POU6F2: variants seen among roughly 807,000 people sequenced by gnomAD.
The protein encoded by POU6F2 is POU domain, class 6, transcription factor 2.
In POU6F2, 31 loss-of-function variants were observed where a neutral mutation model predicts 71.3. The observed-to-expected ratio is 0.43, with a 90% CI of 0.33 to 0.59. The LOEUF is 0.59. Among genes scored for constraint, POU6F2 ranks in the 20% least tolerant of loss-of-function variants. POU6F2 has a pLI of 0.04. For synonymous variants in POU6F2, 347 were observed against 355.7 expected (o/e 0.98, Z 0.27); for missense variants, 783 against 856.8 (o/e 0.91, Z 1.07).
intron 6 of POU6F2, among the ~76,000 whole-genome samples, chr7:39,423,746 C>T (rs1260049873): frequency 1.3e-5 from 2 of 152,212 alleles, no homozygotes; most frequent in East Asian, 1.9e-4. Context: ...ATGGCAAGTT[C>T]TCTGTCCATT....
At chr7:39,016,710 A>T (rs1244235218) in intron 1 of POU6F2, among the ~76,000 whole-genome samples, 3 of 152,196 alleles carry the variant, frequency 2.0e-5, no homozygotes, top group Non-Finnish European at 4.4e-5. Flanking sequence ...GGAAATCATC[A>T]GTGAGTATAT....
At chr7:39,246,659 A>G (rs555668849) in intron 4 of POU6F2, among the ~76,000 whole-genome samples, 4 of 152,308 alleles carry the variant, frequency 2.6e-5, no homozygotes, top group African/African-American at 9.6e-5. Context: ...AATTCCTCTC[A>G]ATGGTTTAAT....
At chr7:39,021,631 C>T (rs1789682163) in intron 1 of POU6F2, among the ~76,000 whole-genome samples, 1 of 151,632 alleles carries the variant, frequency 6.6e-6, no homozygotes, top group African/African-American at 2.4e-5. Context: ...CTATTTTTTT[C>T]CCAAAATGTT....
intron 4 of POU6F2, among the ~76,000 whole-genome samples, chr7:39,310,179 C>T (rs560675184): frequency 2.4e-3 from 366 of 151,998 alleles, no homozygotes; most frequent in African/African-American, 8.2e-3. Flanking sequence ...TTACAATGAG[C>T]GGAAAAAGAG....
intron 5 of POU6F2, among the ~76,000 whole-genome samples, chr7:39,398,790 A>G (rs1005938479): frequency 6.6e-6 from 1 of 152,248 alleles, no homozygotes; most frequent in African/African-American, 2.4e-5. Context: ...AAGGAATACA[A>G]TTATTACAGC....
chr7:39,112,424 A>C (rs1791834686), intron 2 of POU6F2, among the ~76,000 whole-genome samples: 1 of 152,188 alleles, frequency 6.6e-6, no homozygotes, highest in African/African-American at 2.4e-5. Flanking sequence ...ATATTATTGC[A>C]TGCTTATACT....
intron 6 of POU6F2, among the ~76,000 whole-genome samples, chr7:39,422,140 A>G (rs1447102044): frequency 6.6e-6 from 1 of 152,244 alleles, no homozygotes; most frequent in Non-Finnish European, 1.5e-5. Context: ...GGAAAAAAGG[A>G]AAGAATGATG....
At chr7:39,338,824 G>C (rs1340051326) in intron 4 of POU6F2, among the ~76,000 whole-genome samples, 1 of 152,048 alleles carries the variant, frequency 6.6e-6, no homozygotes, top group African/African-American at 2.4e-5. Flanking sequence ...CAAATTTTGC[G>C]TGCTCAGTGC....
chr7:39,061,752 A>G (rs907664614), intron 1 of POU6F2, among the ~76,000 whole-genome samples: 1 of 152,222 alleles, frequency 6.6e-6, no homozygotes, highest in Non-Finnish European at 1.5e-5. Flanking sequence ...ATCATCAGCA[A>G]CAAATACTTT....
chr7:39,424,787 C>A, intron 6 of POU6F2, among the ~76,000 whole-genome samples: 1 of 151,304 alleles, frequency 6.6e-6, no homozygotes, highest in African/African-American at 2.4e-5. Context: ...TATGCTGCAT[C>A]TTAAAATTAA....
At chr7:39,001,100 C>T (rs1444465173) in intron 1 of POU6F2, among the ~76,000 whole-genome samples, 1 of 152,106 alleles carries the variant, frequency 6.6e-6, no homozygotes, top group Non-Finnish European at 1.5e-5. Context: ...ACCTTTTAAC[C>T]TGTGTGACCT....
chr7:39,074,599 G>T (rs1790958287), intron 1 of POU6F2, among the ~76,000 whole-genome samples: 1 of 151,954 alleles, frequency 6.6e-6, no homozygotes, highest in South Asian at 2.1e-4. Context: ...AGTTTATTAT[G>T]TGCCCAGCAC....
chr7:39,404,711 C>T (rs1787381193), intron 5 of POU6F2: 1 of 152,010 alleles, frequency 6.6e-6, no homozygotes, highest in Admixed American at 6.6e-5. Context: ...GACAGATGAC[C>T]TAAAAATATT....
chr7:39,334,260 T>C (rs1785718733), intron 4 of POU6F2, among the ~76,000 whole-genome samples: 1 of 152,260 alleles, frequency 6.6e-6, no homozygotes, highest in Non-Finnish European at 1.5e-5. Flanking sequence ...TGACTTTGCT[T>C]GTTTCTGACA....
intron 4 of POU6F2, among the ~76,000 whole-genome samples, chr7:39,271,724 C>T (rs1344427314): frequency 6.6e-6 from 1 of 152,150 alleles, no homozygotes; most frequent in African/African-American, 2.4e-5. Context: ...CCTATATGCT[C>T]ATTTTCAAAC....
intron 2 of POU6F2, among the ~76,000 whole-genome samples, chr7:39,193,743 G>T (rs1054704624): frequency 9.2e-5 from 14 of 152,212 alleles, no homozygotes; most frequent in Non-Finnish European, 8.8e-5. Context: ...GAGCAGTAGA[G>T]AAACCTAATT....
chr7:39,226,888 G>A (rs1379817179), intron 4 of POU6F2, among the ~76,000 whole-genome samples: 2 of 152,180 alleles, frequency 1.3e-5, no homozygotes, highest in Non-Finnish European at 2.9e-5. Context: ...ACGGGAATGA[G>A]TTGCGGGCTT....
chr7:39,303,369 A>C (rs6462906), intron 4 of POU6F2, among the ~76,000 whole-genome samples: 1 of 152,010 alleles, frequency 6.6e-6, no homozygotes, highest in Non-Finnish European at 1.5e-5. Flanking sequence ...GGATGGTCTC[A>C]ATCTCCTGAC....
chr7:39,087,159 A>AATTAATTT (rs1356949473), intron 2 of POU6F2, among the ~76,000 whole-genome samples: 8 of 125,742 alleles, frequency 6.4e-5, no homozygotes, highest in South Asian at 2.3e-4. Context: ...TTAATTAATT[A>AATTAATTT]ATTTATTTAT....
Sources: allele counts gnomAD v4.1 joint callset (sites outside exome capture counted in the v4.1 genomes callset), GRCh38; gene constraint gnomAD v4.1.1; transcripts MANE v1.5; gene names NCBI Gene and HGNC (gene_info 2026-07-23, HGNC 2026-07-21).